Variants in POMT1 observed in about 807,000 individuals in gnomAD.
The protein encoded by POMT1 is protein O-mannosyl-transferase 1.
POMT1 carries 85 observed loss-of-function variants against 101.6 expected under a neutral mutation model. That is an observed-to-expected ratio of 0.84 (90% CI 0.70 to 1.00). The LOEUF (loss-of-function observed/expected upper bound fraction) is 1.00. POMT1 is among the 50% of genes least tolerant of loss of function. The pLI, the probability that POMT1 is intolerant of heterozygous loss-of-function variation, is 0.00. For missense variants in POMT1, 857 were observed against 930.4 expected (o/e 0.92, Z 1.03); for synonymous variants, 371 against 383.0 (o/e 0.97, Z 0.37).
chr9:131,506,156 G>C lies in POMT1; in HGVS notation c.165G>C (p.Met55Ile). 1 of 1,613,866 alleles carries C rather than the reference G, an allele frequency of 6.2e-7. No individual in the cohort carries two copies. Among genetic ancestry groups the C allele is most frequent in the South Asian group, 1.1e-5 (1 of 91,062 alleles). The stretch of plus-strand genomic sequence containing the variant: ...ATGGGCAGTACATCTCTTTTTACAT[G>C]AAACAAATCTTCTTCTTGGATGACA... ...VYYGQYISFY[M>I]KQIFFLDDSG... is the part of the protein sequence containing the mutation. The change falls in exon 3 of 20, where the codon ATG (methionine) becomes ATC (isoleucine). Residue 55 changes from methionine (M) to isoleucine (I), a missense_variant. Physicochemically the swap from Met to Ile is conservative, Grantham distance 10. Coordinates refer to ENST00000402686, the MANE Select transcript of POMT1 (RefSeq NM_001077365.2).
At chr9:131,516,378 A>ACCTCCTCACACGGAGCACTTCCTCACACG (rs1564370494) in intron 13 of POMT1, among the ~76,000 whole-genome samples, 1 of 60,206 alleles carries the variant, frequency 1.7e-5, no homozygotes, top group African/African-American at 4.6e-5. Flanking sequence ...TTCCTCTAAC[A>ACCTCCTCACACGGAGCACTTCCTCACACG]GAACACTTCC....
At chr9:131,506,484 G>C in intron 4 of POMT1, 31 bp downstream of exon 4, 1 of 1,581,356 alleles carries the variant, frequency 6.3e-7, no homozygotes, top group Non-Finnish European at 8.7e-7. Context: ...CCCTTTTAAT[G>C]TGCGCAGGTT....
In POMT1 at chr9:131,510,428, T is replaced by C. The variant is rs1451655471; in HGVS notation, c.855+13T>C. The C allele has an allele frequency of 6.2e-6, 10 of 1,612,328 alleles. No individual in the cohort carries two copies. The highest frequency in any genetic ancestry group is 8.5e-6 in the Non-Finnish European group (10 of 1,178,482). On this transcript the variant is annotated intron_variant, in intron 9 of 19. Transcript: ENST00000402686. ...GGCCAGCTTAGAGGTAAGTAAGCAG[T>C]GGGCATCGTGGCCACTGGAGAAGGA...
In POMT1 at chr9:131,520,099, G is replaced by A. The variant is rs1949612582; in HGVS notation, c.1604G>A (p.Arg535Lys). 1 of 1,613,772 alleles carries A rather than the reference G, an allele frequency of 6.2e-7. No homozygotes were observed. The highest frequency in any genetic ancestry group is 1.7e-5 in the Admixed American group (1 of 60,024). Residue 535 changes from arginine to lysine, a missense_variant, in exon 17 of 20, where the codon AGA becomes AAA. Physicochemically the swap from Arg to Lys is conservative, Grantham distance 26 (BLOSUM62 2). Coordinates refer to ENST00000402686, the MANE Select transcript of POMT1 (RefSeq NM_001077365.2). Reference protein sequence around the residue: ...SELQWRMLALRSDDSEHKYSS... With the variant: ...SELQWRMLALKSDDSEHKYSS... ...TTCCAGTGGAGGATGCTGGCGCTGA[G>A]AAGTGATGACTCGGAACACAAGTAC...
chr9:131,510,272 T>C lies in POMT1; in HGVS notation c.712T>C (p.Cys238Arg), dbSNP rs751311318. The C allele has an allele frequency of 1.2e-6, 2 of 1,614,266 alleles. No homozygotes were observed. Among genetic ancestry groups the C allele is most frequent in the South Asian group, 2.2e-5 (2 of 91,090 alleles). The stretch of plus-strand genomic sequence containing the variant: ...GAATCTCTGGCAGGTCTGTGTGTTC[T>C]GTCACTTGCTCGCCCGAGCAGTGGC... ...DQTLSNVCVFCHLLARAVALL... is the reference protein window; with the variant it reads ...DQTLSNVCVFRHLLARAVALL... The change falls in exon 9 of 20, where the codon TGT (cysteine) becomes CGT (arginine). Residue 238 changes from cysteine (C) to arginine (R), a missense_variant. Coordinates refer to ENST00000402686, the MANE Select transcript of POMT1 (RefSeq NM_001077365.2).
intron 5 of POMT1, among the ~76,000 whole-genome samples, chr9:131,507,986 A>C (rs955951015): frequency 2.6e-5 from 4 of 152,214 alleles, no homozygotes; most frequent in African/African-American, 9.6e-5. Context: ...TAATCCCAGC[A>C]CTTTGGAAGG....
intron 12 of POMT1, among the ~76,000 whole-genome samples, chr9:131,514,547 T>C (rs962175170): frequency 6.6e-6 from 1 of 152,244 alleles, no homozygotes; most frequent in African/African-American, 2.4e-5. Flanking sequence ...ATGATGGCTG[T>C]TTCCCAGAGG....
At chr9:131,517,235 C>CT (rs34281101) in intron 13 of POMT1, among the ~76,000 whole-genome samples, 121,258 of 144,458 alleles carry the variant, frequency 0.84, 51,906 homozygotes, top group South Asian at 0.96. Flanking sequence ...TGCTGATGTT[C>CT]TTTTTTTTTT....
chr9:131,507,645 G>A (rs769345831), intron 5 of POMT1, 131 bp downstream of exon 5: 16 of 1,315,028 alleles, frequency 1.2e-5, no homozygotes, highest in Non-Finnish European at 1.7e-5. Flanking sequence ...ATTTGACGCT[G>A]CAAGTCACCC....
chr9:131,508,381 A>G (rs1946331250), intron 5 of POMT1, among the ~76,000 whole-genome samples: 1 of 151,834 alleles, frequency 6.6e-6, no homozygotes. Flanking sequence ...AAATACAAAA[A>G]TTAGCTGGGC....
At position 131,512,104 on chromosome 9, in the gene POMT1, C is replaced by T. The variant is rs1947243476; in HGVS notation, c.1050C>T (p.Val350=). The T allele has an allele frequency of 6.2e-7, 1 of 1,614,132 alleles. No individual in the cohort carries two copies. Among genetic ancestry groups the T allele is most frequent in the Admixed American group, 1.7e-5 (1 of 60,026 alleles). The change falls in exon 11 of 20, where the codon GTC becomes GTT. Residue 350 remains valine (V), a synonymous_variant. Transcript: ENST00000402686. The part of the protein sequence containing the change: ...QQVTCYPFKD[V]NNWWIVKDPR... ...TGACCTGTTACCCCTTCAAAGATGT[C>T]AATAACTGGTGGATTGTAAAGGATC...
chr9:131,521,518 T>C, intron 18 of POMT1, 46 bp downstream of exon 18: 1 of 1,597,954 alleles, frequency 6.3e-7, no homozygotes, highest in Non-Finnish European at 8.6e-7. Flanking sequence ...AATATAGACA[T>C]GGGGTCTTGC....
At chr9:131,512,415 C>G (rs374139625) in intron 11 of POMT1, among the ~76,000 whole-genome samples, 3 of 152,200 alleles carry the variant, frequency 2.0e-5, no homozygotes, top group East Asian at 3.9e-4. Context: ...ACAAGAACCC[C>G]CCTCCTGCAA....
At chr9:131,504,081 C>A in intron 1 of POMT1, 108 bp from the exon 2 acceptor site, 1 of 1,347,972 alleles carries the variant, frequency 7.4e-7, no homozygotes, top group Non-Finnish European at 1.1e-6. Flanking sequence ...CTCAGCAGCC[C>A]GGCTGTGCTG....
rs895958773 is a variant in POMT1, at chr9:131,504,158, C to T, written c.-30-31C>T. On this transcript the variant is annotated intron_variant, in intron 1 of 19. Transcript: ENST00000402686. ...CCTTCTGTAGCCTCTCGTGAGCCCT[C>T]ATGGACCACGGCTCCTCCCTTCTTT... The T allele has an allele frequency of 1.2e-4, 193 of 1,613,236 alleles. No homozygotes were observed. In the Middle Eastern group the frequency reaches 4.7e-3, roughly 39 times the overall value.
intron 17 of POMT1, chr9:131,520,979 T>C (rs1949805206): frequency 5.8e-6 from 2 of 346,328 alleles, no homozygotes; most frequent in Admixed American, 7.8e-5. Context: ...GTAGCTGGTA[T>C]TACAGGTGCC....
rs377341327 is a variant in POMT1 at position 131,523,139 on chromosome 9, G to T, written c.*33G>T. 1 of 1,603,926 alleles carries T rather than the reference G, an allele frequency of 6.2e-7. No homozygotes were observed. The highest frequency in any genetic ancestry group is 2.2e-5 in the East Asian group (1 of 44,854). On this transcript the variant is annotated 3_prime_UTR_variant, in exon 20 of 20. Coordinates refer to ENST00000402686, the MANE Select transcript of POMT1 (RefSeq NM_001077365.2). ...GTGTGGCAAAGAACACCCGTGCTGG[G>T]GTCGGGATGAGGTTGAAGGGTCTTG...
At chr9:131,510,738 T>G (rs1246366470) in intron 9 of POMT1, 1 of 385,708 alleles carries the variant, frequency 2.6e-6, no homozygotes, top group Non-Finnish European at 4.9e-6. Flanking sequence ...ACTCCTGACC[T>G]CAAGTGATCC....
In POMT1 at chr9:131,519,752, G is replaced by A. The variant is rs1389301225; in HGVS notation, c.1584+266G>A. Among the ~76,000 whole-genome samples, 3 of 152,140 alleles carry A rather than the reference G, an allele frequency of 2.0e-5. No individual in the cohort carries two copies. The highest frequency in any genetic ancestry group is 4.4e-5 in the Non-Finnish European group (3 of 68,020). On this transcript the variant is annotated intron_variant, in intron 16 of 19. Transcript: ENST00000402686. This position sits in a 1 kb window ranked among gnomAD's most constrained non-coding sequence, Gnocchi z 4.3. ...GGGTGTCTTAAGGCCCCCAGGCAGCGAAATGGGCCACACTCAACAGAGCCC... is the reference window on the plus strand; with the variant it reads ...GGGTGTCTTAAGGCCCCCAGGCAGCAAAATGGGCCACACTCAACAGAGCCC...
Sources: gnomAD v4.1 joint callset for allele counts (sites outside exome capture counted in the v4.1 genomes callset) on GRCh38, gnomAD v4.1.1 for gene constraint, Gnocchi (gnomAD v3.1) non-coding constraint, MANE v1.5 for transcripts, NCBI Gene and HGNC (gene_info 2026-07-23, HGNC 2026-07-21) for gene names.